The following LNP1 variants were observed in gnomAD, a reference collection of about 807,000 sequenced individuals.
The protein encoded by LNP1 is leukemia NUP98 fusion partner 1.
A neutral mutation model predicts 14.5 loss-of-function variants in LNP1; 12 were observed. That is an observed-to-expected ratio of 0.83 (90% CI 0.53 to 1.34). The LOEUF (loss-of-function observed/expected upper bound fraction) is 1.34. Among genes scored for constraint, LNP1 ranks in the 40% most tolerant of loss-of-function variants. LNP1 has a pLI of 0.00. For synonymous variants in LNP1, 75 were observed against 71.4 expected (o/e 1.05, Z -0.26); for missense variants, 198 against 210.9 (o/e 0.94, Z 0.38).
At chr3:100,451,471 G>A (rs1226557390) in intron 2 of LNP1, among the ~76,000 whole-genome samples, 1 of 152,188 alleles carries the variant, frequency 6.6e-6, no homozygotes, top group Non-Finnish European at 1.5e-5. Flanking sequence ...CTCAATGCAT[G>A]AGATAAATGA....
chr3:100,455,761 G>A lies in LNP1; in HGVS notation c.388-16G>A. On this transcript the variant is annotated splice_polypyrimidine_tract_variant and intron_variant, in intron 3 of 3. Coordinates refer to ENST00000383693, the MANE Select transcript of LNP1 (RefSeq NM_001085451.2). Reference sequence around the variant, plus strand: ...TGCTTGTGCATTTTTACCTGTTTCTGATCTTTCCCTTTCAGGGACCTGAAA... The same window carrying A: ...TGCTTGTGCATTTTTACCTGTTTCTAATCTTTCCCTTTCAGGGACCTGAAA... 1.2e-6 allele frequency: 2 copies of A among 1,613,242 alleles called. No individual in the cohort carries two copies. Among genetic ancestry groups the A allele is most frequent in the Non-Finnish European group, 1.7e-6 (2 of 1,179,526 alleles).
intron 1 of LNP1, among the ~76,000 whole-genome samples, chr3:100,412,861 A>G (rs987882840): frequency 9.9e-5 from 15 of 152,208 alleles, no homozygotes; most frequent in African/African-American, 3.4e-4. Context: ...TGTATCTGTA[A>G]GAGGGTTGGG....
chr3:100,410,353 C>T (rs1355401941), intron 1 of LNP1, among the ~76,000 whole-genome samples: 1 of 144,766 alleles, frequency 6.9e-6, no homozygotes, highest in Non-Finnish European at 1.5e-5. Context: ...TTGGTGAGAT[C>T]TCAGATACAA....
At chr3:100,402,649 T>A (rs1706923140) in intron 1 of LNP1, among the ~76,000 whole-genome samples, 1 of 152,234 alleles carries the variant, frequency 6.6e-6, no homozygotes, top group South Asian at 2.1e-4. Context: ...TAGGATTTTT[T>A]TTTTTTTCTG....
chr3:100,417,256 T>C (rs1313240859), intron 1 of LNP1, among the ~76,000 whole-genome samples: 1 of 152,148 alleles, frequency 6.6e-6, no homozygotes, highest in East Asian at 1.9e-4. Context: ...CAAGGAATCT[T>C]TCTTTCTCTT....
chr3:100,405,132 G>C (rs532148575), intron 1 of LNP1, among the ~76,000 whole-genome samples: 1 of 152,142 alleles, frequency 6.6e-6, no homozygotes, highest in East Asian at 1.9e-4. Flanking sequence ...TATTACCTTA[G>C]CAGTTACTCA....
intron 1 of LNP1, among the ~76,000 whole-genome samples, chr3:100,420,431 C>T (rs1293282731): frequency 6.6e-6 from 1 of 152,192 alleles, no homozygotes; most frequent in Admixed American, 6.5e-5. Flanking sequence ...CCCACCTCAG[C>T]CTCCTGAGTA....
intron 2 of LNP1, among the ~76,000 whole-genome samples, chr3:100,431,152 G>A (rs942309876): frequency 1.3e-5 from 2 of 152,204 alleles, no homozygotes; most frequent in African/African-American, 4.8e-5. Context: ...AACAAAAACT[G>A]TAATTTACTA....
chr3:100,433,456 T>C (rs962481961), intron 2 of LNP1, among the ~76,000 whole-genome samples: 1 of 152,256 alleles, frequency 6.6e-6, no homozygotes, highest in Non-Finnish European at 1.5e-5. Context: ...ATTTTCTTTA[T>C]CCACTCTATC....
intron 2 of LNP1, among the ~76,000 whole-genome samples, chr3:100,449,096 G>T (rs1162471534): frequency 6.6e-6 from 1 of 152,198 alleles, no homozygotes; most frequent in Non-Finnish European, 1.5e-5. Flanking sequence ...TTATAGGATT[G>T]TATAAGGAGA....
chr3:100,404,885 T>C (rs1706948447), intron 1 of LNP1, among the ~76,000 whole-genome samples: 1 of 149,182 alleles, frequency 6.7e-6, no homozygotes, highest in African/African-American at 2.5e-5. Context: ...CTCTGCCTCC[T>C]GGGTTCAAGC....
intron 1 of LNP1, among the ~76,000 whole-genome samples, chr3:100,424,437 G>A (rs1280156190): frequency 6.6e-6 from 1 of 152,212 alleles, no homozygotes; most frequent in African/African-American, 2.4e-5. Context: ...TCCTCTCCCA[G>A]TGGAGTTACA....
intron 3 of LNP1, among the ~76,000 whole-genome samples, chr3:100,455,201 G>T (rs977555611): frequency 6.6e-6 from 1 of 152,198 alleles, no homozygotes; most frequent in African/African-American, 2.4e-5. Context: ...TATCTAGGAA[G>T]TAGGTCTATT....
chr3:100,445,779 A>G (rs1322898562), intron 2 of LNP1, among the ~76,000 whole-genome samples: 3 of 152,198 alleles, frequency 2.0e-5, no homozygotes, highest in African/African-American at 7.2e-5. Flanking sequence ...ATGTGCAAAA[A>G]TCATGAAGAT....
At chr3:100,429,428 G>T (rs956669396) in intron 1 of LNP1, among the ~76,000 whole-genome samples, 28 of 152,156 alleles carry the variant, frequency 1.8e-4, no homozygotes, top group African/African-American at 6.5e-4. Context: ...CCACCCTTAG[G>T]CTGTGAGGCA....
At position 100,421,574 on chromosome 3, in the gene LNP1, G is replaced by A. The variant is rs1221766641; in HGVS notation, c.-33-8123G>A. Among the ~76,000 whole-genome samples the A allele has an allele frequency of 2.6e-5, 4 of 152,262 alleles. No individual in the cohort carries two copies. In the East Asian group the frequency reaches 5.8e-4, roughly 22 times the overall value. On this transcript the variant is annotated intron_variant, in intron 1 of 3. Transcript: ENST00000383693. ...TTCTGTTATATAAATATATCGTAAT[G>A]TATTAGCCTGATCTCCAGTTGTTGT... is the stretch of plus-strand genomic sequence containing the variant.
At chr3:100,417,776 TC>T (rs1197678516) in intron 1 of LNP1, among the ~76,000 whole-genome samples, 1 of 152,188 alleles carries the variant, frequency 6.6e-6, no homozygotes, top group Non-Finnish European at 1.5e-5. Flanking sequence ...GCTTTGCTTT[TC>T]TTTTTCGGGG....
At chr3:100,404,122 T>A (rs1416493798) in intron 1 of LNP1, among the ~76,000 whole-genome samples, 1 of 152,266 alleles carries the variant, frequency 6.6e-6, no homozygotes, top group Non-Finnish European at 1.5e-5. Flanking sequence ...TCATCCAAAA[T>A]CTGTTGTAAT....
In LNP1 at chr3:100,456,040, TA is replaced by T; in HGVS notation, c.*119del. The T allele has an allele frequency of 8.5e-7, 1 of 1,173,338 alleles. No individual in the cohort carries two copies. The highest frequency in any genetic ancestry group is 1.2e-6 in the Non-Finnish European group (1 of 825,876). The allele number at this position is 1,173,338 out of a possible 1,614,324, so 72.7% of individuals were successfully genotyped here. A position where few individuals can be genotyped will look rare whatever the true frequency, so the allele number is the denominator to read the frequency against. ...GCGGGGTTGGGGGTAAAAACAGCTA[TA>T]AAAAGCAACTGCAGATGCTGACTGA... On this transcript the variant is annotated 3_prime_UTR_variant, in exon 4 of 4. Transcript: ENST00000383693.
Sources: allele counts gnomAD v4.1 joint callset (sites outside exome capture counted in the v4.1 genomes callset), GRCh38; gene constraint gnomAD v4.1.1; transcripts MANE v1.5; gene names NCBI Gene and HGNC (gene_info 2026-07-23, HGNC 2026-07-21).